The following TENM2 variants were observed in gnomAD, a reference collection of about 807,000 sequenced individuals.
TENM2 encodes the protein teneurin transmembrane protein 2, also known as teneurin-2.
In TENM2, 52 loss-of-function variants were observed where a neutral mutation model predicts 245.2. The ratio of observed to expected loss-of-function variants is 0.21; its 90% confidence interval spans 0.17 to 0.27. The LOEUF is 0.27. Among genes scored for constraint, TENM2 ranks in the 10% least tolerant of loss-of-function variants. The probability of loss-of-function intolerance (pLI) is 1.00; values close to 1 mark genes in which losing one functional copy is unlikely to be tolerated. For missense variants in TENM2, 3,046 were observed against 3,666.8 expected (o/e 0.83, Z 4.37); for synonymous variants, 1,363 against 1,438.9 (o/e 0.95, Z 1.19).
the TENM2 span, among the ~76,000 whole-genome samples, chr5:167,170,173 A>G: frequency 6.6e-6 from 1 of 152,238 alleles, no homozygotes; most frequent in East Asian, 1.9e-4. Flanking sequence ...GGATAAGCAT[A>G]CCGTAGAATT....
rs1455515971 is a variant in TENM2, at chr5:168,149,422, G to A, written c.2423-13189G>A. 2.4e-5 allele frequency: 11 copies of A among 457,150 alleles called. No homozygotes were observed. In the East Asian group the frequency reaches 4.2e-4, roughly 17 times the overall value. The allele number at this position is 457,150 out of a possible 1,614,324, so 28.3% of individuals were successfully genotyped here. On this transcript the variant is annotated intron_variant, in intron 12 of 28. Transcript: ENST00000518659. ...GGAGTCTGGTTTGCTGCATCAACAG[G>A]GGTAGTTGGTGGGGAGTGCTGTTTA...
the TENM2 span, among the ~76,000 whole-genome samples, chr5:167,172,346 G>C: frequency 6.6e-6 from 1 of 152,136 alleles, no homozygotes; most frequent in African/African-American, 2.4e-5. Context: ...AAACTTGATG[G>C]AAAAGGCATC....
chr5:167,183,846 G>C, the TENM2 span, among the ~76,000 whole-genome samples: 2 of 152,136 alleles, frequency 1.3e-5, no homozygotes, highest in Non-Finnish European at 2.9e-5. Context: ...AAGTGGAAAT[G>C]TACCAATATG....
At chr5:167,527,205 T>A (rs770509056) in intron 2 of TENM2, among the ~76,000 whole-genome samples, 6 of 152,186 alleles carry the variant, frequency 3.9e-5, no homozygotes, top group Non-Finnish European at 8.8e-5. Flanking sequence ...AACTTTTTGA[T>A]GCAAAAAGGA....
At chr5:168,182,131 G>C (rs1408289815) in intron 13 of TENM2, among the ~76,000 whole-genome samples, 1 of 152,118 alleles carries the variant, frequency 6.6e-6, no homozygotes, top group Non-Finnish European at 1.5e-5. Context: ...GCTTTAAAAG[G>C]TTCGCAATGC....
At chr5:168,256,218 A>C (rs1767644006) in intron 27 of TENM2, among the ~76,000 whole-genome samples, 2 of 151,588 alleles carry the variant, frequency 1.3e-5, no homozygotes, top group Admixed American at 6.6e-5. Flanking sequence ...ATATATGTCT[A>C]TATGTATATA....
At chr5:167,762,535 C>T (rs893847590) in intron 2 of TENM2, among the ~76,000 whole-genome samples, 1 of 152,114 alleles carries the variant, frequency 6.6e-6, no homozygotes, top group Non-Finnish European at 1.5e-5. Context: ...CTGCAGTGCT[C>T]TGGTTGTCAG....
intron 2 of TENM2, among the ~76,000 whole-genome samples, chr5:167,494,862 A>G (rs915547797): frequency 6.6e-6 from 1 of 152,128 alleles, no homozygotes; most frequent in Non-Finnish European, 1.5e-5. Flanking sequence ...AAAACCTAAT[A>G]TATTCAACCA....
intron 2 of TENM2, among the ~76,000 whole-genome samples, chr5:167,639,867 A>G (rs944952057): frequency 2.0e-5 from 3 of 152,216 alleles, no homozygotes; most frequent in African/African-American, 4.8e-5. Context: ...TATTTTTACA[A>G]TGAATGATTT....
intron 3 of TENM2, among the ~76,000 whole-genome samples, chr5:167,946,169 G>A (rs1015507680): frequency 6.6e-6 from 1 of 152,212 alleles, no homozygotes; most frequent in Non-Finnish European, 1.5e-5. Flanking sequence ...AGTACTTAGA[G>A]ACAAATAAGG....
the TENM2 span, among the ~76,000 whole-genome samples, chr5:167,096,746 G>A: frequency 1.3e-5 from 2 of 152,292 alleles, no homozygotes; most frequent in African/African-American, 2.4e-5. Context: ...TTATACAGCT[G>A]TAATGAGAAC....
At chr5:168,165,643 C>G (rs1562237541) in intron 13 of TENM2, among the ~76,000 whole-genome samples, 1 of 17,520 alleles carries the variant, frequency 5.7e-5, no homozygotes, top group African/African-American at 4.0e-4. Flanking sequence ...AGGATCCCCC[C>G]CCCAACCCCC....
chr5:167,652,090 A>C (rs1369234634), intron 2 of TENM2, among the ~76,000 whole-genome samples: 1 of 152,014 alleles, frequency 6.6e-6, no homozygotes, highest in Non-Finnish European at 1.5e-5. Flanking sequence ...TTCAGTTCTT[A>C]ATGGTAGGGT....
intron 2 of TENM2, among the ~76,000 whole-genome samples, chr5:167,585,940 C>T (rs1775459067): frequency 6.6e-6 from 1 of 151,982 alleles, no homozygotes; most frequent in Non-Finnish European, 1.5e-5. Context: ...GCCTGGGCAA[C>T]ATGGCGAAAC....
At chr5:167,748,856 C>T (rs1761764546) in intron 2 of TENM2, among the ~76,000 whole-genome samples, 1 of 152,146 alleles carries the variant, frequency 6.6e-6, no homozygotes, top group Non-Finnish European at 1.5e-5. Flanking sequence ...CCCACCGGAT[C>T]CATCCCTCAA....
intron 2 of TENM2, among the ~76,000 whole-genome samples, chr5:167,701,586 T>C (rs1292251019): frequency 1.3e-5 from 2 of 152,118 alleles, no homozygotes; most frequent in Admixed American, 6.5e-5. Context: ...TTTGGGCAGG[T>C]CACTGAAGCT....
chr5:167,918,183 A>C (rs543851396), intron 3 of TENM2, among the ~76,000 whole-genome samples: 4 of 152,246 alleles, frequency 2.6e-5, no homozygotes, highest in African/African-American at 9.6e-5. Context: ...GGGTTTATTT[A>C]TATTTCTCTT....
In TENM2 at chr5:168,200,019, G is replaced by A. The variant is rs1412114686; in HGVS notation, c.3318G>A (p.Glu1106=). The change falls in exon 17 of 29, where the codon GAG becomes GAA. Residue 1106 remains glutamate (E), a synonymous_variant. Transcript: ENST00000518659. ...GGGTTCACCTGATGGTGGCTGTCGA[G>A]GGGCATCTCTTCCAGAAGTCATTCC... The A allele has an allele frequency of 3.1e-6, 5 of 1,614,002 alleles. No individual in the cohort carries two copies. In the Admixed American group the frequency reaches 5.0e-5, roughly 16 times the overall value.
chr5:167,923,237 T>C (rs374602600), intron 3 of TENM2, among the ~76,000 whole-genome samples: 60 of 152,110 alleles, frequency 3.9e-4, no homozygotes, highest in African/African-American at 1.3e-3. Flanking sequence ...GAGGATCGCT[T>C]GAACCCGAGA....
Sources: gnomAD v4.1 joint callset for allele counts (sites outside exome capture counted in the v4.1 genomes callset) on GRCh38, gnomAD v4.1.1 for gene constraint, MANE v1.5 for transcripts, NCBI Gene and HGNC (gene_info 2026-07-23, HGNC 2026-07-21) for gene names.